PHC3: variants seen among roughly 807,000 people sequenced by gnomAD.
PHC3 encodes the protein polyhomeotic homolog 3, also known as polyhomeotic-like protein 3.
A neutral mutation model predicts 107.4 loss-of-function variants in PHC3; 13 were observed. That is an observed-to-expected ratio of 0.12 (90% CI 0.08 to 0.19). PHC3 has a LOEUF of 0.19. PHC3 is among the 10% of genes least tolerant of loss of function. PHC3 has a pLI of 1.00. For missense variants in PHC3, 992 were observed against 1,210.9 expected (o/e 0.82, Z 2.68); for synonymous variants, 456 against 427.4 (o/e 1.07, Z -0.83).
At chr3:170,151,024 A>G (rs1725868844) in intron 4 of PHC3, among the ~76,000 whole-genome samples, 1 of 152,126 alleles carries the variant, frequency 6.6e-6, no homozygotes, top group Admixed American at 6.5e-5. Context: ...CAGCCTGACC[A>G]ACATGGTGAA....
In PHC3 at chr3:170,136,735, T is replaced by C. The variant is rs1577111602; in HGVS notation, c.673-70A>G. 7 of 1,480,972 alleles carry C rather than the reference T, an allele frequency of 4.7e-6. No homozygotes were observed. The South Asian group carries it at 7.3e-5, about 15-fold the overall frequency. 91.7% of individuals were successfully genotyped at this position (1,480,972 alleles called of 1,614,324 possible). On this transcript the variant is annotated intron_variant, in intron 6 of 14. Coordinates refer to ENST00000495893, the MANE Select transcript of PHC3 (RefSeq NM_024947.4). ...TAATTGATGTGGTCATCATTACCATTATGACAATACTGACAACACATTTAT... is the reference window on the plus strand; with the variant it reads ...TAATTGATGTGGTCATCATTACCATCATGACAATACTGACAACACATTTAT...
At chr3:170,163,359 A>C (rs1432316572) in intron 4 of PHC3, among the ~76,000 whole-genome samples, 1 of 152,172 alleles carries the variant, frequency 6.6e-6, no homozygotes, top group East Asian at 1.9e-4. Context: ...ACAAGGAAAG[A>C]GAATGACATA....
chr3:170,163,899 G>T (rs1338077100), intron 4 of PHC3, among the ~76,000 whole-genome samples: 4 of 143,192 alleles, frequency 2.8e-5, no homozygotes, highest in Non-Finnish European at 6.0e-5. Context: ...GGCAGGCATA[G>T]TAATAATATA....
At chr3:170,103,027 T>A (rs186823332) in intron 12 of PHC3, 93 bp from the exon 13 acceptor site, 7 of 1,205,814 alleles carry the variant, frequency 5.8e-6, no homozygotes, top group Middle Eastern at 2.1e-4. Context: ...TGTGAATCAG[T>A]AAGTACCACA....
rs182355373 is a variant in PHC3 at position 170,138,614 on chromosome 3, C to T, written c.673-1949G>A. Among the ~76,000 whole-genome samples the T allele has an allele frequency of 5.8e-4, 88 of 150,840 alleles. 1 individual carries two copies. The highest frequency in any genetic ancestry group is 2.1e-3 in the African/African-American group (85 of 40,900). ...CTGAGGCAGGAGAATTGCTTGAAAC[C>T]CGGAGGCAGAGGTTGCAGTGAGCTG... On this transcript the variant is annotated intron_variant, in intron 6 of 14. Coordinates refer to ENST00000495893, the MANE Select transcript of PHC3 (RefSeq NM_024947.4).
At position 170,128,614 on chromosome 3, in the gene PHC3, A is replaced by T. The variant is rs560220455; in HGVS notation, c.1788+70T>A. 544 of 1,509,336 alleles carry T rather than the reference A, an allele frequency of 3.6e-4. 5 individuals are homozygous for T. In the South Asian group the frequency reaches 6.5e-3, roughly 18 times the overall value. 93.5% of individuals were successfully genotyped at this position (1,509,336 alleles called of 1,614,324 possible). On this transcript the variant is annotated intron_variant, in intron 8 of 14. Coordinates refer to ENST00000495893, the MANE Select transcript of PHC3 (RefSeq NM_024947.4). ...ACAGGCATTTAGATCTTGCAATAAA[A>T]CATAGTGTGGGAAAAAATAGTTTTT...
chr3:170,126,529 T>TATATATATATATA (rs1491097010), intron 8 of PHC3, among the ~76,000 whole-genome samples: 5 of 39,962 alleles, frequency 1.3e-4, no homozygotes, highest in African/African-American at 4.0e-4. Context: ...TATATATATA[T>TATATATATATATA]TTTTTTTTTT....
chr3:170,171,960 C>T (rs1010711648), intron 3 of PHC3, among the ~76,000 whole-genome samples: 5 of 151,982 alleles, frequency 3.3e-5, no homozygotes, highest in Non-Finnish European at 7.4e-5. Flanking sequence ...TTAAATAGTA[C>T]AATAGTAACA....
chr3:170,154,229 T>G, intron 4 of PHC3, among the ~76,000 whole-genome samples: 1 of 152,236 alleles, frequency 6.6e-6, no homozygotes, highest in East Asian at 1.9e-4. Flanking sequence ...TTAATTAATG[T>G]CATGTTATTT....
chr3:170,111,462 AAG>A (rs920192198), intron 11 of PHC3, among the ~76,000 whole-genome samples: 34 of 151,974 alleles, frequency 2.2e-4, no homozygotes, highest in Admixed American at 1.6e-3. Context: ...AAGAGAGGAG[AAG>A]AGAGAAGAAA....
chr3:170,167,541 C>T (rs1728918866), intron 4 of PHC3, among the ~76,000 whole-genome samples: 1 of 152,182 alleles, frequency 6.6e-6, no homozygotes. Flanking sequence ...GGGCAGATCA[C>T]TTCAGGTCAG....
At chr3:170,164,491 AG>A (rs1280506163) in intron 4 of PHC3, among the ~76,000 whole-genome samples, 4 of 152,180 alleles carry the variant, frequency 2.6e-5, no homozygotes, top group Non-Finnish European at 5.9e-5. Context: ...TTAAAAAATA[AG>A]TAAAATGACA....
Position 170,128,910 on chromosome 3 carries a change from G to C in PHC3, c.1562C>G (p.Pro521Arg). The C allele has an allele frequency of 6.2e-7, 1 of 1,614,068 alleles. No homozygotes were observed. Among genetic ancestry groups the C allele is most frequent in the Non-Finnish European group, 8.5e-7 (1 of 1,179,902 alleles). The change falls in exon 8 of 15, where the codon CCT (proline) becomes CGT (arginine). Residue 521 changes from proline to arginine, a missense_variant. Physicochemically the swap from Pro to Arg is moderately radical, Grantham distance 103. Around this residue, in one of 6 missense-constraint regions of PHC3, gnomAD observed 543 missense variants for 590.8 expected, o/e 0.92. Transcript: ENST00000495893. Reference protein sequence around the residue: ...IASPPQMSTSPPAQIPPLPLQ... With the variant: ...IASPPQMSTSRPAQIPPLPLQ... ...GGGCAGTGGTGGAATCTGAGCTGGA[G>C]GAGATGTCGACATCTGTGGAGGACT...
intron 4 of PHC3, among the ~76,000 whole-genome samples, chr3:170,157,556 A>G (rs1257925103): frequency 6.6e-6 from 1 of 152,238 alleles, no homozygotes; most frequent in Non-Finnish European, 1.5e-5. Flanking sequence ...ACTTAAAATT[A>G]TATTTTAAAG....
chr3:170,100,289 CAG>C (rs1382967537), intron 14 of PHC3, among the ~76,000 whole-genome samples: 9 of 152,122 alleles, frequency 5.9e-5, no homozygotes, highest in Non-Finnish European at 8.8e-5. Flanking sequence ...GGAAAACAAA[CAG>C]CGCTTAATGA....
chr3:170,171,415 G>T lies in PHC3; in HGVS notation c.372C>A (p.Pro124=). The T allele has an allele frequency of 6.2e-7, 1 of 1,607,364 alleles. No homozygotes were observed. ...TTGACTGCTGTGTGACACTTCCTGTGGGAGATGTAGATGGTCTTCCACTGG... is the reference window on the plus strand; with the variant it reads ...TTGACTGCTGTGTGACACTTCCTGTTGGAGATGTAGATGGTCTTCCACTGG... ...SLSSGRPSTS[P]TGSVTQQSSM... is the part of the protein sequence containing the mutation. Residue 124 remains proline (P), a synonymous_variant, in exon 4 of 15, where the codon CCC becomes CCA. Transcript: ENST00000495893.
intron 12 of PHC3, 44 bp downstream of exon 12, chr3:170,106,788 G>A (rs1408985969): frequency 3.5e-6 from 5 of 1,416,282 alleles, no homozygotes; most frequent in Admixed American, 4.3e-5. Flanking sequence ...TAGTTGCAAT[G>A]GCTATTTATC....
Position 170,128,540 on chromosome 3 carries a change from C to T in PHC3, c.1788+144G>A, listed in dbSNP as rs1190966038. ...CATTTTTTTTTTTTTGCCCATACAG[C>T]ATGTTTGTCAGAATACTGACACATG... On this transcript the variant is annotated intron_variant, in intron 8 of 14. Coordinates refer to ENST00000495893, the MANE Select transcript of PHC3 (RefSeq NM_024947.4). 5 of 1,189,388 alleles carry T rather than the reference C, an allele frequency of 4.2e-6. No homozygotes were observed. The African/African-American group carries it at 6.2e-5, about 15-fold the overall frequency. 73.7% of individuals were successfully genotyped at this position (1,189,388 alleles called of 1,614,324 possible).
chr3:170,176,260 T>A (rs1054663446), intron 2 of PHC3, among the ~76,000 whole-genome samples: 5 of 151,982 alleles, frequency 3.3e-5, no homozygotes, highest in African/African-American at 1.2e-4. Context: ...TAAATCCTTT[T>A]CCCTGTATCC....
Sources: gnomAD v4.1 joint callset for allele counts (sites outside exome capture counted in the v4.1 genomes callset) on GRCh38, gnomAD v4.1.1 for gene constraint, gnomAD v4.1.1 regional missense constraint, MANE v1.5 for transcripts, NCBI Gene and HGNC (gene_info 2026-07-23, HGNC 2026-07-21) for gene names.